The following TTC23L variants were observed in gnomAD, a reference collection of about 807,000 sequenced individuals.
TTC23L encodes tetratricopeptide repeat protein 23-like.
TTC23L carries 42 observed loss-of-function variants against 48.1 expected under a neutral mutation model. The observed-to-expected ratio is 0.87, with a 90% CI of 0.68 to 1.13. The LOEUF is 1.13. Among genes scored for constraint, TTC23L ranks in the 50% most tolerant of loss-of-function variants. TTC23L has a pLI of 0.00. For missense variants in TTC23L, 391 were observed against 421.0 expected (o/e 0.93, Z 0.62); for synonymous variants, 159 against 157.2 (o/e 1.01, Z -0.09).
At chr5:34,922,785 G>C in the TTC23L span, 1 of 1,603,332 alleles carries the variant, frequency 6.2e-7, no homozygotes, top group Non-Finnish European at 8.5e-7. Context: ...TTCTCATTCA[G>C]TGTATGAGGT....
intron 9 of TTC23L, among the ~76,000 whole-genome samples, chr5:34,891,840 TAGA>T (rs1371693191): frequency 6.6e-6 from 1 of 152,218 alleles, no homozygotes; most frequent in Non-Finnish European, 1.5e-5. Flanking sequence ...AAAAGATTCA[TAGA>T]AGGAGGAAAA....
intron 4 of TTC23L, among the ~76,000 whole-genome samples, chr5:34,860,339 C>A (rs1387549095): frequency 6.6e-6 from 1 of 152,188 alleles, no homozygotes; most frequent in Non-Finnish European, 1.5e-5. Context: ...ATCCTATCCA[C>A]TCTTGAAAAA....
chr5:34,882,129 G>A (rs370867329), intron 9 of TTC23L, among the ~76,000 whole-genome samples: 37 of 152,262 alleles, frequency 2.4e-4, no homozygotes, highest in African/African-American at 4.3e-4. Flanking sequence ...GTGAAAATAC[G>A]TTACCAGAAT....
intron 3 of TTC23L, among the ~76,000 whole-genome samples, chr5:34,846,557 G>A (rs1759155639): frequency 9.3e-5 from 2 of 21,590 alleles, no homozygotes; most frequent in South Asian, 2.3e-3. Context: ...GCTAGACTCT[G>A]TCTCAAAAAA....
chr5:34,884,251 A>C (rs1221769144), intron 9 of TTC23L, among the ~76,000 whole-genome samples: 1 of 152,222 alleles, frequency 6.6e-6, no homozygotes, highest in Non-Finnish European at 1.5e-5. Context: ...GAATAGAAGG[A>C]AATTACCTCA....
chr5:34,923,090 A>T, the TTC23L span: 11 of 1,563,980 alleles, frequency 7.0e-6, no homozygotes, highest in Admixed American at 3.3e-5. Flanking sequence ...AATATACATG[A>T]TATATCTTGG....
chr5:34,912,871 CG>C, the TTC23L span, among the ~76,000 whole-genome samples: 1 of 152,058 alleles, frequency 6.6e-6, no homozygotes, highest in East Asian at 1.9e-4. Context: ...CGTGGTGGCA[CG>C]TGCCTGTAAT....
At position 34,863,916 on chromosome 5, in the gene TTC23L, C is replaced by T. The variant is rs1419653329; in HGVS notation, c.537-521C>T. Among the ~76,000 whole-genome samples the T allele has an allele frequency of 6.6e-6, 1 of 152,094 alleles. No homozygotes were observed. Among genetic ancestry groups the T allele is most frequent in the Non-Finnish European group, 1.5e-5 (1 of 68,024 alleles). Reference sequence around the variant, plus strand: ...TTGCAAAATCTGATATGTGGCCTTCCTCTGTTATACCCTTAGCAGGGGGCT... The same window carrying T: ...TTGCAAAATCTGATATGTGGCCTTCTTCTGTTATACCCTTAGCAGGGGGCT... On this transcript the variant is annotated intron_variant, in intron 5 of 10. Transcript: ENST00000505624. The surrounding 1 kb of genome is among the most constrained non-coding windows in gnomAD (Gnocchi z 4.1).
At chr5:34,889,824 T>TG (rs917779825) in intron 9 of TTC23L, among the ~76,000 whole-genome samples, 6 of 150,972 alleles carry the variant, frequency 4.0e-5, no homozygotes, top group African/African-American at 7.4e-5. Flanking sequence ...CATTATTAGG[T>TG]GGGGTTTTTT....
At chr5:34,855,020 G>T (rs1207905616) in intron 4 of TTC23L, among the ~76,000 whole-genome samples, 1 of 152,172 alleles carries the variant, frequency 6.6e-6, no homozygotes, top group Non-Finnish European at 1.5e-5. Flanking sequence ...TGGGTAGGTG[G>T]AAGAAGGGGT....
the TTC23L span, chr5:34,908,660 T>G: frequency 1.9e-4 from 203 of 1,071,646 alleles, no homozygotes; most frequent in Middle Eastern, 3.2e-4. Flanking sequence ...CCATTGTGCT[T>G]CTTCTCTATA....
chr5:34,839,674 C>G, intron 1 of TTC23L: 1 of 985,142 alleles, frequency 1.0e-6, no homozygotes, highest in South Asian at 4.7e-5. Context: ...CCACTCAGGG[C>G]TCGGTGGGAA....
chr5:34,906,309 A>G, the TTC23L span: 2 of 152,130 alleles, frequency 1.3e-5, no homozygotes, highest in African/African-American at 4.8e-5. Flanking sequence ...GAGCTGATTT[A>G]TATTTGTTTT....
At chr5:34,871,416 CTAAA>C (rs959392101) in intron 8 of TTC23L, among the ~76,000 whole-genome samples, 5 of 151,926 alleles carry the variant, frequency 3.3e-5, no homozygotes, top group African/African-American at 1.2e-4. Flanking sequence ...TAAATATGAC[CTAAA>C]TAAATACACA....
chr5:34,863,001 A>G lies in TTC23L; in HGVS notation c.483A>G (p.Glu161=), dbSNP rs897985800. The change falls in exon 5 of 11, where the codon GAA becomes GAG. Residue 161 remains glutamate (E), a synonymous_variant. Transcript: ENST00000505624. The surrounding 1 kb of genome is among the most constrained non-coding windows in gnomAD (Gnocchi z 4.1). ...ATAAGGAGAAAGAGGAAATCCTGGA[A>G]GCTCTGGTCAAGCTGTACTACACTC... 1 of 1,613,996 alleles carries G rather than the reference A, an allele frequency of 6.2e-7. No individual in the cohort carries two copies. Among genetic ancestry groups the G allele is most frequent in the Non-Finnish European group, 8.5e-7 (1 of 1,179,888 alleles).
the TTC23L span, chr5:34,920,200 T>A: frequency 5.9e-6 from 1 of 170,496 alleles, no homozygotes; most frequent in Non-Finnish European, 1.2e-5. Context: ...TCAACATATA[T>A]AAAGTAAAAT....
intron 4 of TTC23L, among the ~76,000 whole-genome samples, chr5:34,851,533 G>A (rs751751262): frequency 9.2e-5 from 14 of 152,166 alleles, no homozygotes; most frequent in African/African-American, 3.1e-4. Flanking sequence ...GGGGCACAGC[G>A]AGGCCCTTTT....
chr5:34,922,333 T>C, the TTC23L span: 1 of 1,215,768 alleles, frequency 8.2e-7, no homozygotes, highest in African/African-American at 1.5e-5. Flanking sequence ...TTAAGTGGAT[T>C]TGTTCTTTGT....
chr5:34,893,751 C>G (rs560357222), intron 9 of TTC23L, among the ~76,000 whole-genome samples: 1 of 152,062 alleles, frequency 6.6e-6, no homozygotes, highest in African/African-American at 2.4e-5. Flanking sequence ...GAAAGAGGAA[C>G]TGAAAAGGAG....
Sources: gnomAD v4.1 joint callset for allele counts (sites outside exome capture counted in the v4.1 genomes callset) on GRCh38, gnomAD v4.1.1 for gene constraint, Gnocchi (gnomAD v3.1) non-coding constraint, MANE v1.5 for transcripts, NCBI Gene and HGNC (gene_info 2026-07-23, HGNC 2026-07-21) for gene names.